Variants in SLIT3 observed in about 807,000 individuals in gnomAD.
SLIT3 encodes the protein slit homolog 3 protein.
Under a neutral mutation model 184.0 loss-of-function variants are expected in SLIT3, and 68 were observed. The ratio of observed to expected loss-of-function variants is 0.37; its 90% CI spans 0.30 to 0.45. The LOEUF (loss-of-function observed/expected upper bound fraction) is 0.45, where lower values mean the gene tolerates loss of function less well. Ranked by LOEUF, SLIT3 falls within the 20% of genes least tolerant of loss-of-function variation. SLIT3 has a pLI of 1.00. For synonymous variants in SLIT3, 831 were observed against 828.6 expected (o/e 1.00, Z -0.05); for missense variants, 1,707 against 2,026.0 (o/e 0.84, Z 3.02).
At chr5:168,875,368 A>G (rs761318317) in intron 5 of SLIT3, among the ~76,000 whole-genome samples, 1 of 152,156 alleles carries the variant, frequency 6.6e-6, no homozygotes, top group African/African-American at 2.4e-5. Context: ...ATGGTGGCTC[A>G]TGCCTGTAAT....
intron 1 of SLIT3, among the ~76,000 whole-genome samples, chr5:169,280,068 C>T (rs1392901812): frequency 6.6e-6 from 1 of 152,236 alleles, no homozygotes; most frequent in Admixed American, 6.5e-5. Context: ...AAGGATGCAT[C>T]AGGAATTCAA....
intron 22 of SLIT3, among the ~76,000 whole-genome samples, 200 bp from the exon 23 acceptor site, chr5:168,722,527 C>T (rs1762977226): frequency 6.6e-6 from 1 of 152,248 alleles, no homozygotes. Flanking sequence ...TACTCAAGTT[C>T]TGTGGCAGGC....
chr5:169,297,442 A>G (rs1767545067), intron 1 of SLIT3, among the ~76,000 whole-genome samples: 1 of 152,196 alleles, frequency 6.6e-6, no homozygotes, highest in African/African-American at 2.4e-5. Flanking sequence ...ACAAGGTTTC[A>G]GAAGTCAAAA....
At chr5:168,832,980 T>C (rs1470699786) in intron 6 of SLIT3, among the ~76,000 whole-genome samples, 1 of 152,202 alleles carries the variant, frequency 6.6e-6, no homozygotes, top group African/African-American at 2.4e-5. Context: ...TGAAATGTAG[T>C]TGAAACCTTC....
At chr5:168,880,847 C>A (rs1361792942) in intron 5 of SLIT3, among the ~76,000 whole-genome samples, 1 of 152,164 alleles carries the variant, frequency 6.6e-6, no homozygotes, top group African/African-American at 2.4e-5. Context: ...TCTGACAGCC[C>A]CTCATTACGT....
chr5:168,771,009 A>G (rs537388909), intron 14 of SLIT3, among the ~76,000 whole-genome samples: 2 of 151,692 alleles, frequency 1.3e-5, no homozygotes, highest in Non-Finnish European at 2.9e-5. Flanking sequence ...CAGGGCCGCC[A>G]CATCCATTTG....
intron 4 of SLIT3, among the ~76,000 whole-genome samples, chr5:168,907,452 C>T (rs896942558): frequency 2.0e-4 from 31 of 152,156 alleles, no homozygotes; most frequent in Admixed American, 2.0e-3. Context: ...AATCATGTAT[C>T]TGCAAAGAAA....
At chr5:168,723,545 C>T (rs1763012612) in intron 21 of SLIT3, among the ~76,000 whole-genome samples, 1 of 152,176 alleles carries the variant, frequency 6.6e-6, no homozygotes, top group African/African-American at 2.4e-5. Flanking sequence ...CATATAATAA[C>T]AATCTCTCCT....
chr5:169,051,265 C>T (rs531570171), intron 4 of SLIT3, among the ~76,000 whole-genome samples: 13 of 151,788 alleles, frequency 8.6e-5, no homozygotes, highest in Non-Finnish European at 1.6e-4. Flanking sequence ...AAATACACTG[C>T]CATTTTTAAA....
chr5:168,874,438 T>C (rs2113772904), intron 5 of SLIT3, among the ~76,000 whole-genome samples: 1 of 152,342 alleles, frequency 6.6e-6, no homozygotes. Context: ...CATTACATAC[T>C]AGGCATAGGA....
At chr5:168,945,266 A>T (rs116831342) in intron 4 of SLIT3, among the ~76,000 whole-genome samples, 5,135 of 150,734 alleles carry the variant, frequency 0.034, 134 homozygotes, top group African/African-American at 0.065. Context: ...TTTTGAGACA[A>T]AGTCTCACTC....
At chr5:169,044,528 A>C (rs918520694) in intron 4 of SLIT3, among the ~76,000 whole-genome samples, 1 of 150,124 alleles carries the variant, frequency 6.7e-6, no homozygotes, top group Admixed American at 6.6e-5. Context: ...AAATACCCAG[A>C]ATAGGCAAAT....
At chr5:168,900,589 T>C (rs1428723095) in intron 4 of SLIT3, among the ~76,000 whole-genome samples, 2 of 152,166 alleles carry the variant, frequency 1.3e-5, no homozygotes, top group Non-Finnish European at 2.9e-5. Flanking sequence ...CACTCCAGCC[T>C]GGGAGATGGG....
In SLIT3 at chr5:168,708,035, C is replaced by T. The variant is rs779741496; in HGVS notation, c.2785G>A (p.Gly929Arg). ...TCCACAGGGTCCTGGGTGCATGTCC[C>T]GTTATTCTTGCACGGGCTGGAGAGG... ...ACLSSPCKNN[G>R]TCTQDPVELY... is the part of the protein sequence containing the mutation. Residue 929 changes from glycine (G) to arginine (R), a missense_variant, in exon 26 of 36, where the codon GGG becomes AGG. By Grantham distance (125) the Gly-to-Arg change is moderately radical (BLOSUM62 -2). Transcript: ENST00000519560. 1.1e-5 allele frequency: 17 copies of T among 1,614,034 alleles called. No homozygotes were observed. Among genetic ancestry groups the T allele is most frequent in the South Asian group, 3.3e-5 (3 of 91,090 alleles).
At chr5:168,775,667 A>G (rs1755720431) in intron 12 of SLIT3, among the ~76,000 whole-genome samples, 1 of 152,160 alleles carries the variant, frequency 6.6e-6, no homozygotes, top group Admixed American at 6.5e-5. Context: ...CTCAGTGCTT[A>G]TTCTTTATTA....
intron 4 of SLIT3, among the ~76,000 whole-genome samples, chr5:169,075,118 TG>T (rs1336523161): frequency 6.6e-6 from 1 of 152,092 alleles, no homozygotes; most frequent in Non-Finnish European, 1.5e-5. Context: ...ACTCTGCTTA[TG>T]GCTGGGTCAT....
At chr5:169,196,218 T>C (rs1251499249) in intron 3 of SLIT3, among the ~76,000 whole-genome samples, 2 of 152,054 alleles carry the variant, frequency 1.3e-5, no homozygotes, top group African/African-American at 2.4e-5. Context: ...TCTATTTTTA[T>C]GTTTTGAGTA....
At chr5:169,204,039 C>T (rs980206634) in intron 3 of SLIT3, among the ~76,000 whole-genome samples, 1 of 151,898 alleles carries the variant, frequency 6.6e-6, no homozygotes, top group Middle Eastern at 3.2e-3. Context: ...ATGTGGTTAC[C>T]GTGGGAGATG....
intron 4 of SLIT3, among the ~76,000 whole-genome samples, chr5:168,947,264 T>C (rs1397321540): frequency 1.3e-5 from 2 of 152,176 alleles, no homozygotes; most frequent in African/African-American, 4.8e-5. Flanking sequence ...GCTGGGGACT[T>C]TTCTGGGGGA....
Sources: gnomAD v4.1 joint callset for allele counts (sites outside exome capture counted in the v4.1 genomes callset) on GRCh38, gnomAD v4.1.1 for gene constraint, MANE v1.5 for transcripts, NCBI Gene and HGNC (gene_info 2026-07-23, HGNC 2026-07-21) for gene names.